PTPRN2: variants seen among roughly 807,000 people sequenced by gnomAD.
PTPRN2 encodes receptor-type tyrosine-protein phosphatase N2.
In PTPRN2, 74 loss-of-function variants were observed where a neutral mutation model predicts 118.8. The observed-to-expected ratio is 0.62, with a 90% CI of 0.52 to 0.76. PTPRN2 has a LOEUF of 0.76. Among genes scored for constraint, PTPRN2 ranks in the 30% least tolerant of loss-of-function variants. The probability of loss-of-function intolerance (pLI) is 0.00; values close to 1 mark genes in which losing one functional copy is unlikely to be tolerated. For missense variants in PTPRN2, 1,481 were observed against 1,394.4 expected (o/e 1.06, Z -0.99); for synonymous variants, 641 against 608.0 (o/e 1.05, Z -0.80).
chr7:158,510,986 G>A (rs944129000), intron 1 of PTPRN2, among the ~76,000 whole-genome samples: 2 of 152,242 alleles, frequency 1.3e-5, no homozygotes, highest in African/African-American at 4.8e-5. Context: ...GTCACATGGG[G>A]TTGGCAAAGA....
At chr7:157,762,359 A>G (rs575620833) in intron 12 of PTPRN2, among the ~76,000 whole-genome samples, 288 of 152,026 alleles carry the variant, frequency 1.9e-3, no homozygotes, top group African/African-American at 6.5e-3. Flanking sequence ...GTCCAACAAT[A>G]ATAGACTGGA....
At chr7:158,147,980 A>C (rs71544535) in intron 6 of PTPRN2, among the ~76,000 whole-genome samples, 7 of 11,804 alleles carry the variant, frequency 5.9e-4, no homozygotes, top group Admixed American at 1.6e-3. Flanking sequence ...TTCCCCCTCA[A>C]TGACACACCA....
At chr7:157,549,305 TTTC>T (rs1798476052) in intron 21 of PTPRN2, among the ~76,000 whole-genome samples, 1 of 140,478 alleles carries the variant, frequency 7.1e-6, no homozygotes, top group Non-Finnish European at 1.6e-5. Flanking sequence ...CTGTACTGGT[TTTC>T]TTTTCTTTCT....
chr7:157,828,090 C>T (rs1474888145), intron 12 of PTPRN2, among the ~76,000 whole-genome samples: 1 of 152,174 alleles, frequency 6.6e-6, no homozygotes, highest in African/African-American at 2.4e-5. Context: ...TTTCCTCCTT[C>T]CTGACATTAA....
rs1048951349 is a variant in PTPRN2 at position 157,658,335 on chromosome 7, C to T, written c.2002-1784G>A. The stretch of plus-strand genomic sequence containing the variant: ...CCCATGCAAGAGAAGGCAAATGGAG[C>T]CGTGCGGGAGACAGAAGGCACAGGG... On this transcript the variant is annotated intron_variant, in intron 13 of 22. Transcript: ENST00000389418. Among the ~76,000 whole-genome samples, 7 of 152,238 alleles carry T rather than the reference C, an allele frequency of 4.6e-5. 1 individual carries two copies. In the South Asian group the frequency reaches 1.2e-3, roughly 27 times the overall value.
At chr7:157,898,584 G>A in intron 12 of PTPRN2, 89 bp downstream of exon 12, 2 of 1,304,182 alleles carry the variant, frequency 1.5e-6, no homozygotes, top group Admixed American at 1.8e-5. Context: ...GAATTAACCT[G>A]CAGGTCCAGC....
intron 10 of PTPRN2, among the ~76,000 whole-genome samples, chr7:158,109,413 C>T (rs1816006389): frequency 6.6e-6 from 1 of 151,052 alleles, no homozygotes; most frequent in Non-Finnish European, 1.5e-5. Context: ...GACATCACCC[C>T]TGTGTGAAGA....
chr7:157,902,793 C>T (rs775486420), intron 11 of PTPRN2, among the ~76,000 whole-genome samples: 13 of 152,148 alleles, frequency 8.5e-5, no homozygotes, highest in Non-Finnish European at 1.5e-4. Flanking sequence ...TTCCAAAGCA[C>T]GTGCTGTGGT....
rs113972606 is a variant in PTPRN2, at chr7:157,892,558, G to A, written c.1788+6115C>T. Among the ~76,000 whole-genome samples, 1,510 of 152,224 alleles carry A rather than the reference G, an allele frequency of 9.9e-3. 10 individuals are homozygous for A. Among genetic ancestry groups the A allele is most frequent in the Admixed American group, 0.021 (327 of 15,280 alleles). On this transcript the variant is annotated intron_variant, in intron 12 of 22. Transcript: ENST00000389418. ...GTCATCACTTGCATTAAACGCAAGC[G>A]CAGGGGAGAGATTTAGTAAATGCTA...
At chr7:158,188,583 C>T (rs1382894779) in intron 5 of PTPRN2, among the ~76,000 whole-genome samples, 1 of 117,168 alleles carries the variant, frequency 8.5e-6, no homozygotes, top group Non-Finnish European at 1.7e-5. Flanking sequence ...AAGGCCGCCA[C>T]GCTCGCCCCC....
At chr7:158,185,936 C>T (rs1416046864) in intron 5 of PTPRN2, among the ~76,000 whole-genome samples, 1 of 152,294 alleles carries the variant, frequency 6.6e-6, no homozygotes, top group Admixed American at 6.5e-5. Context: ...CCACCATGCT[C>T]CCTTGTCCCC....
chr7:157,716,589 G>T (rs2952636), intron 12 of PTPRN2, among the ~76,000 whole-genome samples: 2 of 30,980 alleles, frequency 6.5e-5, no homozygotes, highest in East Asian at 8.9e-4. Context: ...TAGACTCTGC[G>T]GGAACACTGC....
Position 158,587,754 on chromosome 7 carries a change from C to G in PTPRN2, c.-85G>C. ...CCGAGTCCGGGCCCAGGGAGGCGCG[C>G]GCCGCCGGCTCCTCCCGCCGCGCCT... On this transcript the variant is annotated 5_prime_UTR_variant, in exon 1 of 23. Transcript: ENST00000389418. The G allele has an allele frequency of 9.4e-7, 1 of 1,062,244 alleles. No homozygotes were observed. The highest frequency in any genetic ancestry group is 1.1e-6 in the Non-Finnish European group (1 of 881,912). The allele number at this position is 1,062,244 out of a possible 1,614,324, so 65.8% of individuals were successfully genotyped here.
At chr7:157,757,730 C>A (rs2151000192) in intron 12 of PTPRN2, among the ~76,000 whole-genome samples, 1 of 151,382 alleles carries the variant, frequency 6.6e-6, no homozygotes. Flanking sequence ...AATTTAAAAA[C>A]CTAGCCTTGC....
At chr7:157,664,252 AC>A (rs748924042) in intron 13 of PTPRN2, among the ~76,000 whole-genome samples, 15 of 152,250 alleles carry the variant, frequency 9.9e-5, no homozygotes, top group Non-Finnish European at 1.6e-4. Flanking sequence ...ACAGCGTGGC[AC>A]ACATACTTCT....
At chr7:158,363,013 A>T (rs4909072) in intron 2 of PTPRN2, among the ~76,000 whole-genome samples, 1 of 152,172 alleles carries the variant, frequency 6.6e-6, no homozygotes, top group Non-Finnish European at 1.5e-5. Context: ...CCCATGATCC[A>T]TGGAACAGAG....
chr7:158,043,238 G>A (rs1487814471), intron 11 of PTPRN2, among the ~76,000 whole-genome samples: 1 of 152,206 alleles, frequency 6.6e-6, no homozygotes, highest in South Asian at 2.1e-4. Context: ...GCCATGTGGA[G>A]GGGAACACTT....
chr7:158,141,084 T>C (rs930378592), intron 6 of PTPRN2, among the ~76,000 whole-genome samples: 2 of 151,580 alleles, frequency 1.3e-5, no homozygotes, highest in East Asian at 1.9e-4. Flanking sequence ...GCTAGAGGGG[T>C]CTCACCACGA....
intron 7 of PTPRN2, among the ~76,000 whole-genome samples, chr7:158,137,667 T>C (rs1350626065): frequency 6.6e-6 from 1 of 152,160 alleles, no homozygotes; most frequent in Non-Finnish European, 1.5e-5. Flanking sequence ...GCTTCCAGCT[T>C]CCAGCAAGGC....
Sources: gnomAD v4.1 joint callset for allele counts (sites outside exome capture counted in the v4.1 genomes callset) on GRCh38, gnomAD v4.1.1 for gene constraint, MANE v1.5 for transcripts, NCBI Gene and HGNC (gene_info 2026-07-23, HGNC 2026-07-21) for gene names.